The following FGD6 variants were observed in gnomAD, a reference collection of about 807,000 sequenced individuals.
FGD6 encodes FYVE, RhoGEF and PH domain containing 6.
A neutral mutation model predicts 149.4 loss-of-function variants in FGD6; 90 were observed. The observed-to-expected ratio is 0.60, with a 90% CI of 0.51 to 0.72. The LOEUF is 0.72. Ranked by LOEUF, FGD6 falls within the 30% of genes least tolerant of loss-of-function variation. FGD6 has a pLI of 0.00. For missense variants in FGD6, 1,437 were observed against 1,684.8 expected (o/e 0.85, Z 2.57); for synonymous variants, 527 against 584.0 (o/e 0.90, Z 1.41).
intron 8 of FGD6, among the ~76,000 whole-genome samples, chr12:95,128,435 C>T (rs1879413752): frequency 6.6e-6 from 1 of 152,132 alleles, no homozygotes; most frequent in Non-Finnish European, 1.5e-5. Flanking sequence ...GAGACAGGGT[C>T]TCACTATGTT....
intron 14 of FGD6, among the ~76,000 whole-genome samples, chr12:95,094,919 C>A (rs1469199649): frequency 6.6e-6 from 1 of 152,076 alleles, no homozygotes; most frequent in Non-Finnish European, 1.5e-5. Flanking sequence ...TTTTTTCTTT[C>A]CAAAAGTTCT....
intron 9 of FGD6, among the ~76,000 whole-genome samples, chr12:95,111,161 T>C (rs561131845): frequency 6.6e-6 from 1 of 152,232 alleles, no homozygotes; most frequent in East Asian, 1.9e-4. Flanking sequence ...TTTGTATTTT[T>C]AGTAGCAAAG....
chr12:95,202,627 C>T (rs908788756), intron 2 of FGD6, among the ~76,000 whole-genome samples: 20 of 151,992 alleles, frequency 1.3e-4, no homozygotes, highest in Non-Finnish European at 2.6e-4. Context: ...CTCCTGGGCT[C>T]GAGCAATCCT....
In FGD6 at chr12:95,106,888, C is replaced by T. The variant is rs139179194; in HGVS notation, c.3417+66G>A. ...CAGCCTGGGTGACAGAATGAGACCCCGTCTCAAACAAAACAAAACAAAACA... is the reference window on the plus strand; with the variant it reads ...CAGCCTGGGTGACAGAATGAGACCCTGTCTCAAACAAAACAAAACAAAACA... On this transcript the variant is annotated intron_variant, in intron 13 of 20. Transcript: ENST00000343958. 262 of 1,101,642 alleles carry T rather than the reference C, an allele frequency of 2.4e-4. 3 individuals carry two copies. The South Asian group carries it at 2.5e-3, about 10-fold the overall frequency. The allele number at this position is 1,101,642 out of a possible 1,614,324, so 68.2% of individuals were successfully genotyped here.
At chr12:95,130,770 C>T (rs1879498103) in intron 8 of FGD6, among the ~76,000 whole-genome samples, 1 of 151,806 alleles carries the variant, frequency 6.6e-6, no homozygotes, top group Admixed American at 6.6e-5. Flanking sequence ...TTCACAGCAA[C>T]AGTAGATATG....
intron 8 of FGD6, among the ~76,000 whole-genome samples, chr12:95,125,375 A>T (rs956940181): frequency 1.3e-5 from 2 of 152,186 alleles, no homozygotes; most frequent in African/African-American, 4.8e-5. Flanking sequence ...GCTCATGCCT[A>T]TAATTCCAGC....
chr12:95,206,125 G>A (rs1308831319), intron 2 of FGD6, among the ~76,000 whole-genome samples: 1 of 152,092 alleles, frequency 6.6e-6, no homozygotes, highest in African/African-American at 2.4e-5. Context: ...ATAATGGTAA[G>A]CCCTTAGGGT....
intron 12 of FGD6, among the ~76,000 whole-genome samples, chr12:95,107,353 T>C (rs535711139): frequency 6.6e-6 from 1 of 152,320 alleles, no homozygotes; most frequent in African/African-American, 2.4e-5. Flanking sequence ...AGAAATGGAA[T>C]AAATTCCAAA....
chr12:95,200,404 A>T (rs910108625), intron 2 of FGD6, among the ~76,000 whole-genome samples: 1 of 152,156 alleles, frequency 6.6e-6, no homozygotes, highest in African/African-American at 2.4e-5. Context: ...TACTTTGATA[A>T]ATGGGAGAGT....
At chr12:95,087,336 A>G (rs1207035734) in intron 18 of FGD6, among the ~76,000 whole-genome samples, 1 of 152,094 alleles carries the variant, frequency 6.6e-6, no homozygotes, top group Admixed American at 6.5e-5. Context: ...CTTCTAACTA[A>G]GAATTTGGTG....
intron 2 of FGD6, among the ~76,000 whole-genome samples, chr12:95,204,518 C>T (rs575400094): frequency 6.6e-6 from 1 of 152,190 alleles, no homozygotes; most frequent in African/African-American, 2.4e-5. Context: ...TCACTCCTGA[C>T]GACTTTCAGT....
At chr12:95,198,601 G>A (rs1041398146) in intron 2 of FGD6, among the ~76,000 whole-genome samples, 5 of 151,986 alleles carry the variant, frequency 3.3e-5, no homozygotes, top group African/African-American at 7.3e-5. Context: ...CACCACGCCC[G>A]GCTAATTTTT....
In FGD6 at chr12:95,085,792, A is replaced by G; in HGVS notation, c.4095T>C (p.Tyr1365=). Residue 1365 remains tyrosine, a synonymous_variant, in exon 19 of 21, where the codon TAT becomes TAC. Coordinates refer to ENST00000343958, the MANE Select transcript of FGD6 (RefSeq NM_018351.4). ...TTTCAGATCTTACCTCACTTGCAGC[A>G]TATGTATATAGTACTTTATTTTTTA... is the stretch of plus-strand genomic sequence containing the variant. ...FVIKNKVLYT[Y]AASEDVAALE... is the part of the protein sequence containing the mutation. 3.1e-6 allele frequency: 5 copies of G among 1,609,454 alleles called. No homozygotes were observed. Among genetic ancestry groups the G allele is most frequent in the South Asian group, 1.1e-5 (1 of 89,088 alleles).
chr12:95,087,654 G>C (rs1009098103), intron 18 of FGD6, among the ~76,000 whole-genome samples: 2 of 152,180 alleles, frequency 1.3e-5, no homozygotes, highest in African/African-American at 4.8e-5. Flanking sequence ...GATAATAAAT[G>C]TATGTTGTTT....
intron 6 of FGD6, among the ~76,000 whole-genome samples, chr12:95,139,201 A>T (rs1189894594): frequency 6.6e-6 from 1 of 152,152 alleles, no homozygotes; most frequent in Non-Finnish European, 1.5e-5. Flanking sequence ...GCACTTTGGG[A>T]GGCTGAGGCG....
intron 3 of FGD6, 126 bp downstream of exon 3, chr12:95,172,474 T>G: frequency 1.2e-6 from 1 of 852,034 alleles, no homozygotes. Flanking sequence ...AGGAATTAAA[T>G]TTAAATTTTG....
chr12:95,174,441 T>C (rs971432802), intron 2 of FGD6, among the ~76,000 whole-genome samples: 1 of 152,092 alleles, frequency 6.6e-6, no homozygotes, highest in Non-Finnish European at 1.5e-5. Flanking sequence ...ACCTGGAAGC[T>C]CCTCAGAAAA....
At chr12:95,180,176 C>T (rs1881242171) in intron 2 of FGD6, among the ~76,000 whole-genome samples, 1 of 151,762 alleles carries the variant, frequency 6.6e-6, no homozygotes, top group Non-Finnish European at 1.5e-5. Flanking sequence ...ACAGAGTGTG[C>T]TCCTATTTGT....
intron 8 of FGD6, among the ~76,000 whole-genome samples, chr12:95,128,253 G>C (rs529037604): frequency 6.6e-6 from 1 of 151,750 alleles, no homozygotes; most frequent in East Asian, 1.9e-4. Flanking sequence ...TTATTTTTTT[G>C]AGATGGGGGT....
Sources: allele counts gnomAD v4.1 joint callset (sites outside exome capture counted in the v4.1 genomes callset), GRCh38; gene constraint gnomAD v4.1.1; transcripts MANE v1.5; gene names NCBI Gene and HGNC (gene_info 2026-07-23, HGNC 2026-07-21).